INTU: variants seen among roughly 807,000 people sequenced by gnomAD.
INTU encodes the protein inturned planar cell polarity protein.
INTU carries 68 observed loss-of-function variants against 100.5 expected under a neutral mutation model. The observed-to-expected ratio is 0.68, with a 90% confidence interval of 0.56 to 0.83. INTU has a LOEUF of 0.83. Ranked by LOEUF, INTU falls within the 40% of genes least tolerant of loss-of-function variation. INTU has a pLI of 0.00. For missense variants in INTU, 1,071 were observed against 1,114.7 expected, an observed-to-expected ratio of 0.96 and a Z score of 0.56; for synonymous variants, 357 against 395.7, an observed-to-expected ratio of 0.90 and a Z score of 1.16.
At chr4:127,695,039 T>A (rs1730320947) in intron 8 of INTU, among the ~76,000 whole-genome samples, 1 of 152,168 alleles carries the variant, frequency 6.6e-6, no homozygotes, top group Non-Finnish European at 1.5e-5. Flanking sequence ...GAATTTTGAT[T>A]GGGATTGCAT....
chr4:127,683,190 A>G (rs1378439737), intron 6 of INTU, among the ~76,000 whole-genome samples: 1 of 152,158 alleles, frequency 6.6e-6, no homozygotes, highest in Non-Finnish European at 1.5e-5. Flanking sequence ...CTAAATATTT[A>G]TGTCATTCCT....
chr4:127,707,148 G>A (rs914438097), intron 12 of INTU, among the ~76,000 whole-genome samples, 179 bp downstream of exon 12: 1 of 152,022 alleles, frequency 6.6e-6, no homozygotes, highest in Non-Finnish European at 1.5e-5. Flanking sequence ...TATCAGGCCA[G>A]GTGTGGCAGA....
chr4:127,669,197 C>A (rs1728818222), intron 5 of INTU, 43 bp downstream of exon 5: 9 of 911,892 alleles, frequency 9.9e-6, no homozygotes, highest in Non-Finnish European at 1.4e-5. Flanking sequence ...TTTTCAAGTT[C>A]TTTTATTTCA....
intron 2 of INTU, 21 bp from the exon 3 acceptor site, chr4:127,656,615 T>G: frequency 6.4e-7 from 1 of 1,564,108 alleles, no homozygotes; most frequent in South Asian, 1.1e-5. Flanking sequence ...AAACTATCTT[T>G]TATTGTTATT....
chr4:127,640,526 CT>C (rs962488670), intron 1 of INTU, among the ~76,000 whole-genome samples: 1 of 109,264 alleles, frequency 9.2e-6, no homozygotes, highest in Non-Finnish European at 1.8e-5. Context: ...TTGGTATAGT[CT>C]TTTGGGTAAA....
At chr4:127,707,286 G>A (rs1730924261) in intron 12 of INTU, among the ~76,000 whole-genome samples, 1 of 150,116 alleles carries the variant, frequency 6.7e-6, no homozygotes, top group South Asian at 2.1e-4. Flanking sequence ...GGGAGGCTGA[G>A]GCACAAGAAT....
intron 11 of INTU, 129 bp downstream of exon 11, chr4:127,705,941 C>G (rs1458484344): frequency 1.2e-5 from 8 of 667,828 alleles, no homozygotes; most frequent in Admixed American, 5.6e-5. Context: ...CACAAACATG[C>G]TCATGTAAAA....
intron 8 of INTU, among the ~76,000 whole-genome samples, chr4:127,698,735 G>A (rs755748953): frequency 6.6e-6 from 1 of 151,910 alleles, no homozygotes; most frequent in Non-Finnish European, 1.5e-5. Flanking sequence ...GTATGTTTTC[G>A]TTTAAGGAAT....
intron 2 of INTU, among the ~76,000 whole-genome samples, chr4:127,651,476 A>G (rs199513635): frequency 3.3e-5 from 5 of 151,654 alleles, no homozygotes; most frequent in African/African-American, 7.3e-5. Flanking sequence ...TAAATAGGGA[A>G]TCCTTTCCCC....
intron 6 of INTU, among the ~76,000 whole-genome samples, chr4:127,677,674 A>C (rs1414986672): frequency 6.6e-6 from 1 of 152,148 alleles, no homozygotes; most frequent in African/African-American, 2.4e-5. Context: ...AAAAACTGGA[A>C]ACTCTAAAAA....
intron 6 of INTU, among the ~76,000 whole-genome samples, chr4:127,674,495 G>A (rs1196216800): frequency 1.3e-5 from 2 of 152,144 alleles, no homozygotes; most frequent in African/African-American, 4.8e-5. Flanking sequence ...CTCTGCCTCT[G>A]CTTAAATTTT....
chr4:127,678,418 C>A (rs2126219073), intron 6 of INTU, among the ~76,000 whole-genome samples: 1 of 152,308 alleles, frequency 6.6e-6, no homozygotes, highest in South Asian at 2.1e-4. Flanking sequence ...AGAAACCCTA[C>A]AAGCCAGAAG....
chr4:127,677,479 C>G (rs1378746812), intron 6 of INTU, among the ~76,000 whole-genome samples: 2 of 150,808 alleles, frequency 1.3e-5, no homozygotes, highest in African/African-American at 5.0e-5. Context: ...CTGCTGGTAC[C>G]CAGGCAAACA....
chr4:127,662,751 A>G (rs374074244), intron 3 of INTU, among the ~76,000 whole-genome samples: 3 of 152,130 alleles, frequency 2.0e-5, no homozygotes, highest in Admixed American at 6.6e-5. Context: ...ACTCTTACCA[A>G]TCTTGACATC....
chr4:127,648,769 T>C (rs1389768302), intron 2 of INTU, among the ~76,000 whole-genome samples: 3 of 152,140 alleles, frequency 2.0e-5, no homozygotes, highest in Non-Finnish European at 4.4e-5. Flanking sequence ...TAATTTGATA[T>C]AGTACTTTTG....
chr4:127,710,959 G>A lies in INTU; in HGVS notation c.2416G>A (p.Glu806Lys). The part of the protein sequence containing the change: ...ENTLFHYVAL[E>K]TVQGIFITPT... ...CACACTTTTCCACTACGTTGCCTTA[G>A]AAACAGTGCAAGGAATCTTTATTAC... Residue 806 changes from glutamate to lysine, a missense_variant, in exon 14 of 16, where the codon GAA becomes AAA. Transcript: ENST00000335251. The A allele has an allele frequency of 6.4e-7, 1 of 1,551,040 alleles. No homozygotes were observed. The highest frequency in any genetic ancestry group is 8.8e-7 in the Non-Finnish European group (1 of 1,138,824).
At chr4:127,707,713 G>A (rs1730946991) in intron 12 of INTU, among the ~76,000 whole-genome samples, 1 of 151,972 alleles carries the variant, frequency 6.6e-6, no homozygotes, top group Non-Finnish European at 1.5e-5. Flanking sequence ...CTGAACCTTT[G>A]TAACACTTAA....
intron 1 of INTU, among the ~76,000 whole-genome samples, chr4:127,636,164 G>A (rs191238544): frequency 6.6e-6 from 1 of 152,254 alleles, no homozygotes; most frequent in African/African-American, 2.4e-5. Context: ...TGCAACTTGG[G>A]AGGCTGAGGC....
chr4:127,664,459 A>T (rs1210679732), intron 4 of INTU, among the ~76,000 whole-genome samples: 1 of 152,028 alleles, frequency 6.6e-6, no homozygotes, highest in African/African-American at 2.4e-5. Flanking sequence ...AGAAAGATAT[A>T]GAAATCTCCC....
Sources: allele counts gnomAD v4.1 joint callset (sites outside exome capture counted in the v4.1 genomes callset), GRCh38; gene constraint gnomAD v4.1.1; transcripts MANE v1.5; gene names NCBI Gene and HGNC (gene_info 2026-07-23, HGNC 2026-07-21).